APBB2: variants seen among roughly 807,000 people sequenced by gnomAD.
APBB2 encodes Fe65-like 1.
In APBB2, 38 loss-of-function variants were observed where a neutral mutation model predicts 82.5. The observed-to-expected ratio is 0.46, with a 90% CI of 0.36 to 0.60. The LOEUF (loss-of-function observed/expected upper bound fraction) is 0.60, where lower values mean the gene tolerates loss of function less well. Among genes scored for constraint, APBB2 ranks in the 20% least tolerant of loss-of-function variants. The pLI, the probability that APBB2 is intolerant of heterozygous loss-of-function variation, is 0.00. For missense variants in APBB2, 772 were observed against 972.3 expected, an observed-to-expected ratio of 0.79 and a Z score of 2.74; for synonymous variants, 341 against 368.2, an observed-to-expected ratio of 0.93 and a Z score of 0.85.
intron 12 of APBB2, among the ~76,000 whole-genome samples, chr4:40,854,389 T>A (rs1346580856): frequency 6.6e-6 from 1 of 152,166 alleles, no homozygotes; most frequent in Non-Finnish European, 1.5e-5. Context: ...CAAAAACCCA[T>A]GAAACGTATA....
intron 1 of APBB2, among the ~76,000 whole-genome samples, chr4:41,157,788 C>T (rs1487180083): frequency 1.3e-5 from 2 of 152,092 alleles, no homozygotes; most frequent in Non-Finnish European, 2.9e-5. Flanking sequence ...GTCAGGAGTT[C>T]GGGACCAGCC....
intron 10 of APBB2, 54 bp downstream of exon 10, chr4:40,934,402 C>A: frequency 6.6e-7 from 1 of 1,518,254 alleles, no homozygotes; most frequent in South Asian, 1.1e-5. Flanking sequence ...GATCCAAAGT[C>A]ATTATTTGGA....
chr4:40,828,855 C>T (rs576478317), intron 13 of APBB2, among the ~76,000 whole-genome samples: 29 of 152,308 alleles, frequency 1.9e-4, no homozygotes, highest in South Asian at 4.1e-4. Context: ...CTCTTTCATT[C>T]TGAGGCTGGG....
At chr4:41,101,273 G>A (rs1253552147) in intron 2 of APBB2, among the ~76,000 whole-genome samples, 1 of 150,858 alleles carries the variant, frequency 6.6e-6, no homozygotes, top group Non-Finnish European at 1.5e-5. Flanking sequence ...GACCATCCTG[G>A]CTAACAAGGT....
chr4:40,981,952 G>A (rs547700491), intron 6 of APBB2, among the ~76,000 whole-genome samples: 6 of 151,894 alleles, frequency 4.0e-5, no homozygotes, highest in Admixed American at 2.0e-4. Flanking sequence ...TTGGGAGGCC[G>A]AGAAGGGAGG....
rs757432667 is a variant in APBB2, at chr4:40,934,509, G to A, written c.1201C>T (p.Pro401Ser). Residue 401 changes from proline (P) to serine (S), a missense_variant, in exon 10 of 18, where the codon CCA becomes TCA. Physicochemically the swap from Pro to Ser is moderately conservative, Grantham distance 74. Coordinates refer to ENST00000508593, the MANE Select transcript of APBB2 (RefSeq NM_004307.2). The part of the protein sequence containing the change: ...RYASLKLRNA[P>S]HPDDDDSCSI... ...CAAGAATCATCATCATCAGGGTGTG[G>A]GGCATTTCTAGGCAGAAAAACAGAA... The A allele has an allele frequency of 6.2e-7, 1 of 1,614,092 alleles. No homozygotes were observed.
intron 6 of APBB2, among the ~76,000 whole-genome samples, chr4:41,003,719 G>T (rs1234788408): frequency 6.6e-6 from 1 of 151,918 alleles, no homozygotes; most frequent in African/African-American, 2.4e-5. Context: ...TTCGATTTTG[G>T]ATTTTTCTTT....
At chr4:41,155,887 A>G (rs1046883039) in intron 1 of APBB2, among the ~76,000 whole-genome samples, 1 of 152,210 alleles carries the variant, frequency 6.6e-6, no homozygotes, top group Non-Finnish European at 1.5e-5. Context: ...TCTAGCTAGA[A>G]ATCTATTTAA....
intron 12 of APBB2, among the ~76,000 whole-genome samples, chr4:40,876,574 A>G (rs1766965497): frequency 6.6e-6 from 1 of 152,172 alleles, no homozygotes; most frequent in African/African-American, 2.4e-5. Context: ...AGGACCCCCA[A>G]CGATGCTCAA....
intron 12 of APBB2, among the ~76,000 whole-genome samples, chr4:40,870,049 C>T (rs28579485): frequency 5.1e-4 from 77 of 152,108 alleles, no homozygotes; most frequent in Middle Eastern, 3.4e-3. Flanking sequence ...TACCAAATCA[C>T]GTTATACATC....
chr4:41,115,900 A>G (rs1560792352), intron 2 of APBB2, among the ~76,000 whole-genome samples: 1 of 152,238 alleles, frequency 6.6e-6, no homozygotes, highest in Non-Finnish European at 1.5e-5. Context: ...TGTGGAAGAC[A>G]GTGTGGCGAT....
At chr4:41,081,546 T>C (rs1161282034) in intron 3 of APBB2, among the ~76,000 whole-genome samples, 2 of 152,226 alleles carry the variant, frequency 1.3e-5, no homozygotes, top group Non-Finnish European at 2.9e-5. Flanking sequence ...AAATGGCTAT[T>C]TCCAAAATAT....
At chr4:40,841,266 A>G (rs114718577) in intron 12 of APBB2, among the ~76,000 whole-genome samples, 3,974 of 152,200 alleles carry the variant, frequency 0.026, 73 homozygotes, top group Non-Finnish European at 0.04. Context: ...CATGACACCA[A>G]CTCCGACACA....
At chr4:41,015,291 AC>A (rs1809584544) in intron 5 of APBB2, among the ~76,000 whole-genome samples, 1 of 152,236 alleles carries the variant, frequency 6.6e-6, no homozygotes, top group African/African-American at 2.4e-5. Context: ...GGTTTCTTAG[AC>A]TAGAAGGGAA....
chr4:41,060,426 C>T (rs920512543), intron 4 of APBB2, among the ~76,000 whole-genome samples: 4 of 152,090 alleles, frequency 2.6e-5, no homozygotes, highest in African/African-American at 9.7e-5. Context: ...ATTTATTCAG[C>T]GTCAGGCTCC....
intron 3 of APBB2, among the ~76,000 whole-genome samples, chr4:41,066,482 C>A (rs1198235196): frequency 6.6e-6 from 1 of 152,106 alleles, no homozygotes; most frequent in Non-Finnish European, 1.5e-5. Context: ...CTAGGGGAGG[C>A]AAAGGATGCA....
At chr4:40,841,244 G>A (rs986444577) in intron 12 of APBB2, among the ~76,000 whole-genome samples, 1 of 152,158 alleles carries the variant, frequency 6.6e-6, no homozygotes, top group Non-Finnish European at 1.5e-5. Flanking sequence ...TCCCAACCAG[G>A]CAGGGAGGTT....
intron 12 of APBB2, among the ~76,000 whole-genome samples, chr4:40,851,296 T>C (rs1278427750): frequency 1.3e-5 from 2 of 151,988 alleles, no homozygotes; most frequent in African/African-American, 4.8e-5. Flanking sequence ...CAAACAACCT[T>C]TTGCTCAATT....
At chr4:41,016,719 A>T in intron 5 of APBB2, among the ~76,000 whole-genome samples, 1 of 151,606 alleles carries the variant, frequency 6.6e-6, no homozygotes, top group African/African-American at 2.4e-5. Context: ...CCATTACCCT[A>T]TCAGGGGCCA....
Sources: allele counts gnomAD v4.1 joint callset (sites outside exome capture counted in the v4.1 genomes callset), GRCh38; gene constraint gnomAD v4.1.1; transcripts MANE v1.5; gene names NCBI Gene and HGNC (gene_info 2026-07-23, HGNC 2026-07-21).